The following ST8SIA5 variants were observed in gnomAD, a reference collection of about 807,000 sequenced individuals.
ST8SIA5 encodes ST8 alpha-N-acetyl-neuraminide alpha-2,8-sialyltransferase 5, also known as alpha-2,8-sialyltransferase 8E.
ST8SIA5 carries 24 observed loss-of-function variants against 40.2 expected under a neutral mutation model. The ratio of observed to expected loss-of-function variants is 0.60; its 90% CI spans 0.43 to 0.84. ST8SIA5 has a LOEUF of 0.84. Ranked by LOEUF, ST8SIA5 falls within the 40% of genes least tolerant of loss-of-function variation. The pLI is 0.00. For missense variants in ST8SIA5, 465 were observed against 498.5 expected (o/e 0.93, Z 0.64); for synonymous variants, 198 against 201.8 (o/e 0.98, Z 0.16).
intron 1 of ST8SIA5, among the ~76,000 whole-genome samples, chr18:46,742,440 A>C (rs1459104865): frequency 2.0e-5 from 3 of 152,146 alleles, no homozygotes; most frequent in Non-Finnish European, 1.5e-5. Context: ...AAAAAAAAAT[A>C]GCAGAATTGG....
intron 1 of ST8SIA5, among the ~76,000 whole-genome samples, chr18:46,728,851 G>A (rs1272819339): frequency 2.0e-5 from 3 of 152,000 alleles, no homozygotes; most frequent in Admixed American, 1.3e-4. Context: ...CCTGTCCAAC[G>A]GCCTGAACAC....
intron 1 of ST8SIA5, among the ~76,000 whole-genome samples, chr18:46,733,122 G>T (rs1367044278): frequency 1.3e-5 from 2 of 152,140 alleles, no homozygotes; most frequent in African/African-American, 4.8e-5. Context: ...GACCCCCAGG[G>T]TCTTCACACA....
chr18:46,705,226 A>G (rs1413473023), intron 1 of ST8SIA5, among the ~76,000 whole-genome samples: 2 of 152,226 alleles, frequency 1.3e-5, no homozygotes, highest in East Asian at 3.9e-4. Flanking sequence ...CTGTCCGTGT[A>G]GGGCAGGACC....
At chr18:46,739,486 A>G (rs1200842727) in intron 1 of ST8SIA5, among the ~76,000 whole-genome samples, 3 of 152,206 alleles carry the variant, frequency 2.0e-5, no homozygotes, top group Non-Finnish European at 4.4e-5. Context: ...GTGAGCTGAG[A>G]TAGCGCCACT....
rs540023988 is a variant in ST8SIA5, at chr18:46,695,015, C to T, written c.225-2760G>A. Among the ~76,000 whole-genome samples the T allele has an allele frequency of 1.2e-4, 18 of 152,012 alleles. No individual in the cohort carries two copies. The South Asian group carries it at 2.7e-3, about 23-fold the overall frequency. ...CTCCACTAAAAATACAAAAATTAGC[C>T]GGGCATGGCAGTGCGTGCCTGTAAT... On this transcript the variant is annotated intron_variant, in intron 2 of 6. Transcript: ENST00000315087.
chr18:46,679,952 C>A lies in ST8SIA5; in HGVS notation c.*90G>T, dbSNP rs2039369877. The A allele has an allele frequency of 7.1e-6, 9 of 1,263,250 alleles. No individual in the cohort carries two copies. The South Asian group carries it at 1.3e-4, about 18-fold the overall frequency. The allele number at this position is 1,263,250 out of a possible 1,614,324, so 78.3% of individuals were successfully genotyped here. A position where few individuals can be genotyped will look rare whatever the true frequency, so the allele number is the denominator to read the frequency against. ...GGAGAGACAGCCTGAACGCCAGGAC[C>A]CCACGCTGCCCGGTTCGGGGCTCCC... On this transcript the variant is annotated 3_prime_UTR_variant, in exon 7 of 7. Coordinates refer to ENST00000315087, the MANE Select transcript of ST8SIA5 (RefSeq NM_013305.6).
At chr18:46,732,839 C>T (rs994727605) in intron 1 of ST8SIA5, among the ~76,000 whole-genome samples, 1 of 151,358 alleles carries the variant, frequency 6.6e-6, no homozygotes, top group Non-Finnish European at 1.5e-5. Flanking sequence ...TGTGAAGAAA[C>T]TGTGTGAGAG....
intron 1 of ST8SIA5, among the ~76,000 whole-genome samples, chr18:46,756,015 A>T (rs1441393378): frequency 6.6e-6 from 1 of 152,118 alleles, no homozygotes; most frequent in Non-Finnish European, 1.5e-5. Context: ...GAGCCCTCCG[A>T]CCCCGGAGTC....
Position 46,675,771 on chromosome 18 carries a change from T to A in ST8SIA5, c.*4271A>T, listed in dbSNP as rs2144446872. 1 of 152,128 alleles carries A rather than the reference T, an allele frequency of 6.6e-6. No individual in the cohort carries two copies. The allele number at this position is 152,128 out of a possible 1,614,324, so 9.4% of individuals were successfully genotyped here. A position where few individuals can be genotyped will look rare whatever the true frequency, so the allele number is the denominator to read the frequency against. On this transcript the variant is annotated 3_prime_UTR_variant, in exon 7 of 7. Coordinates refer to ENST00000315087, the MANE Select transcript of ST8SIA5 (RefSeq NM_013305.6). Reference sequence around the variant, plus strand: ...AGGACTTTAGAAAGACCAGAGAGACTGTGCATAGTGGCTCACACCTGTAAT... The same window carrying A: ...AGGACTTTAGAAAGACCAGAGAGACAGTGCATAGTGGCTCACACCTGTAAT...
intron 1 of ST8SIA5, among the ~76,000 whole-genome samples, chr18:46,735,802 A>G (rs2040028292): frequency 1.3e-5 from 2 of 151,974 alleles, no homozygotes; most frequent in South Asian, 4.2e-4. Flanking sequence ...TCGTACAGAC[A>G]GGGTATCACT....
At chr18:46,725,808 A>T (rs1470329345) in intron 1 of ST8SIA5, among the ~76,000 whole-genome samples, 4 of 151,222 alleles carry the variant, frequency 2.6e-5, no homozygotes. Context: ...GGAGGTATAA[A>T]GGAAGATGAC....
intron 1 of ST8SIA5, among the ~76,000 whole-genome samples, chr18:46,739,167 G>A (rs2040063931): frequency 6.6e-6 from 1 of 152,168 alleles, no homozygotes; most frequent in African/African-American, 2.4e-5. Context: ...GATTTGGACT[G>A]AAAGACAGCT....
intron 1 of ST8SIA5, among the ~76,000 whole-genome samples, chr18:46,705,953 T>C (rs565892758): frequency 6.6e-6 from 1 of 152,344 alleles, no homozygotes; most frequent in African/African-American, 2.4e-5. Flanking sequence ...CAAACTTATG[T>C]ATGTGCTGCT....
At chr18:46,701,888 C>T (rs1032675451) in intron 2 of ST8SIA5, among the ~76,000 whole-genome samples, 2 of 152,154 alleles carry the variant, frequency 1.3e-5, no homozygotes, top group African/African-American at 2.4e-5. Flanking sequence ...TGGCTCACGC[C>T]TGTAATCCCA....
chr18:46,741,318 A>G (rs1485976568), intron 1 of ST8SIA5, among the ~76,000 whole-genome samples: 1 of 152,148 alleles, frequency 6.6e-6, no homozygotes, highest in Non-Finnish European at 1.5e-5. Flanking sequence ...AAACTTAAAT[A>G]CTCTTACAAT....
intron 6 of ST8SIA5, 90 bp downstream of exon 6, chr18:46,681,882 C>T (rs768190549): frequency 6.5e-6 from 9 of 1,374,918 alleles, no homozygotes; most frequent in African/African-American, 1.4e-5. Context: ...AGCACACCTC[C>T]AGACTAACAA....
chr18:46,696,886 G>A (rs1256704913), intron 2 of ST8SIA5, among the ~76,000 whole-genome samples: 2 of 152,144 alleles, frequency 1.3e-5, no homozygotes, highest in African/African-American at 4.8e-5. Flanking sequence ...CAAGAGAGTA[G>A]CACAAGGACA....
chr18:46,756,270 C>T (rs1207219347), intron 1 of ST8SIA5, 108 bp downstream of exon 1: 3 of 1,479,000 alleles, frequency 2.0e-6, no homozygotes, highest in Non-Finnish European at 2.7e-6. Flanking sequence ...GAGCGGACCC[C>T]ACGGCCACTC....
chr18:46,733,985 G>A (rs368421530), intron 1 of ST8SIA5, among the ~76,000 whole-genome samples: 10 of 152,166 alleles, frequency 6.6e-5, no homozygotes, highest in South Asian at 6.2e-4. Flanking sequence ...GCTTCTCCCC[G>A]TCCCTAGGGG....
Sources: allele counts gnomAD v4.1 joint callset (sites outside exome capture counted in the v4.1 genomes callset), GRCh38; gene constraint gnomAD v4.1.1; transcripts MANE v1.5; gene names NCBI Gene and HGNC (gene_info 2026-07-23, HGNC 2026-07-21).